The following CD59 variants were observed in gnomAD, a reference collection of about 807,000 sequenced individuals.
The protein encoded by CD59 is CD59 glycoprotein.
In CD59, 3 loss-of-function variants were observed where a neutral mutation model predicts 7.0. The observed-to-expected ratio is 0.43, with a 90% CI of 0.19 to 1.10. CD59 has a LOEUF of 1.10. CD59 is among the 50% of genes least tolerant of loss of function. The pLI, the probability that CD59 is intolerant of heterozygous loss-of-function variation, is 0.29. For missense variants in CD59, 143 were observed against 151.0 expected (o/e 0.95, Z 0.28); for synonymous variants, 60 against 62.0 (o/e 0.97, Z 0.15).
chr11:33,709,137 T>C lies in CD59; in HGVS notation c.*989A>G, dbSNP rs985724516. ...TAAGAGCCGTTACAAAGGTATTTTATACAATCTATGCTGAGTCAGCTAGGA... is the reference window on the plus strand; with the variant it reads ...TAAGAGCCGTTACAAAGGTATTTTACACAATCTATGCTGAGTCAGCTAGGA... On this transcript the variant is annotated 3_prime_UTR_variant, in exon 4 of 4. Transcript: ENST00000642928. 1.3e-5 allele frequency: 2 copies of C among 152,246 alleles called. No homozygotes were observed. The highest frequency in any genetic ancestry group is 4.1e-4 in the South Asian group (2 of 4,836). 9.4% of individuals were successfully genotyped at this position (152,246 alleles called of 1,614,324 possible). A position where few individuals can be genotyped will look rare whatever the true frequency, so the allele number is the denominator to read the frequency against.
At chr11:33,729,296 C>A (rs1854345937) in intron 1 of CD59, among the ~76,000 whole-genome samples, 1 of 152,134 alleles carries the variant, frequency 6.6e-6, no homozygotes, top group South Asian at 2.1e-4. Flanking sequence ...GAAAATGTGG[C>A]ACATATACAC....
chr11:33,731,169 C>G (rs1854405499), intron 1 of CD59, among the ~76,000 whole-genome samples: 1 of 152,078 alleles, frequency 6.6e-6, no homozygotes, highest in Non-Finnish European at 1.5e-5. Flanking sequence ...AAAAGTTAAA[C>G]TTGAATCTTC....
Position 33,735,038 on chromosome 11 carries a change from A to G in CD59, c.-19+1344T>C, listed in dbSNP as rs145311109. Among the ~76,000 whole-genome samples the G allele has an allele frequency of 3.5e-4, 54 of 152,338 alleles. No homozygotes were observed. In the East Asian group the frequency reaches 9.3e-3, roughly 26 times the overall value. On this transcript the variant is annotated intron_variant, in intron 1 of 3. Transcript: ENST00000642928. ...CCACTGTGAAAATACAGAGGCCACA[A>G]GTTTTAGGACTGTTTGGCTTGTAGG...
chr11:33,721,776 G>T (rs570736495), intron 2 of CD59, among the ~76,000 whole-genome samples: 7 of 152,206 alleles, frequency 4.6e-5, no homozygotes, highest in Non-Finnish European at 2.9e-5. Context: ...TACCACTTCT[G>T]TGTGTTATTT....
chr11:33,718,890 AGG>A, intron 2 of CD59: 1 of 152,376 alleles, frequency 6.6e-6, no homozygotes, highest in Non-Finnish European at 1.5e-5. Flanking sequence ...AAGAGTTGGA[AGG>A]AAATCTTCCT....
At position 33,703,302 on chromosome 11, in the gene CD59, G is replaced by A. The variant is rs1029635562; in HGVS notation, c.*6824C>T. ...CTGTCAGGAGGCAAAGTCCCTATGA[G>A]GTAATAATAAACCCACGAGGTTAAG... On this transcript the variant is annotated 3_prime_UTR_variant, in exon 4 of 4. Transcript: ENST00000642928. 1 of 152,180 alleles carries A rather than the reference G, an allele frequency of 6.6e-6. No individual in the cohort carries two copies. The highest frequency in any genetic ancestry group is 2.4e-5 in the African/African-American group (1 of 41,428). 9.4% of individuals were successfully genotyped at this position (152,180 alleles called of 1,614,324 possible). A position where few individuals can be genotyped will look rare whatever the true frequency, so the allele number is the denominator to read the frequency against.
intron 1 of CD59, among the ~76,000 whole-genome samples, chr11:33,730,384 C>T (rs1034842084): frequency 6.6e-6 from 1 of 152,096 alleles, no homozygotes; most frequent in Non-Finnish European, 1.5e-5. Context: ...ACTGCACTCC[C>T]ACCTGGGCGA....
rs56892277 is a variant in CD59, at chr11:33,706,551, TAAAAAAAA to T, written c.*3567_*3574del. 1 of 125,098 alleles carries T rather than the reference TAAAAAAAA, an allele frequency of 8.0e-6. No homozygotes were observed. The highest frequency in any genetic ancestry group is 2.9e-5 in the African/African-American group (1 of 34,940). The allele number at this position is 125,098 out of a possible 1,614,324, so 7.7% of individuals were successfully genotyped here. A position where few individuals can be genotyped will look rare whatever the true frequency, so the allele number is the denominator to read the frequency against. ...AGAAAGTGAAAGTTCAGAAAGGGTT[TAAAAAAAA>T]AAAAAAAAAAAAACTTGTCCAGAGA... On this transcript the variant is annotated 3_prime_UTR_variant, in exon 4 of 4. Coordinates refer to ENST00000642928, the MANE Select transcript of CD59 (RefSeq NM_000611.6).
rs1564968787 is a variant in CD59 at position 33,710,151 on chromosome 11, GCCAGAAATGGAGTCA to G, written c.347_361del (p.Val116_Leu120del). The G allele has an allele frequency of 1.9e-6, 3 of 1,613,582 alleles. No individual in the cohort carries two copies. The South Asian group carries it at 3.3e-5, about 18-fold the overall frequency. On this transcript the variant is annotated inframe_deletion, in exon 4 of 4. Transcript: ENST00000642928. Reference sequence around the variant, plus strand: ...TTAGGGATGAAGGCTCCAGGCTGCTGCCAGAAATGGAGTCACCAGCAGAAGAACTGTTTTCTCTGA... The same window carrying G: ...TTAGGGATGAAGGCTCCAGGCTGCTGCCAGCAGAAGAACTGTTTTCTCTGA...
chr11:33,728,199 G>A (rs574739852), intron 1 of CD59, among the ~76,000 whole-genome samples: 9 of 152,240 alleles, frequency 5.9e-5, no homozygotes, highest in Non-Finnish European at 8.8e-5. Flanking sequence ...CCAAAAAAGA[G>A]CCCACATAGC....
rs1296757211 is a variant in CD59 at position 33,709,804 on chromosome 11, A to C, written c.*322T>G. On this transcript the variant is annotated 3_prime_UTR_variant, in exon 4 of 4. Coordinates refer to ENST00000642928, the MANE Select transcript of CD59 (RefSeq NM_000611.6). ...CTACATCCAAGGAGCCAGAGGAAAAATAATCTGAGGGCTGCAGAGAACCCA... is the reference window on the plus strand; with the variant it reads ...CTACATCCAAGGAGCCAGAGGAAAACTAATCTGAGGGCTGCAGAGAACCCA... The C allele has an allele frequency of 8.6e-6, 4 of 466,312 alleles. No homozygotes were observed. The highest frequency in any genetic ancestry group is 1.6e-5 in the Non-Finnish European group (4 of 254,746). 28.9% of individuals were successfully genotyped at this position (466,312 alleles called of 1,614,324 possible).
intron 1 of CD59, among the ~76,000 whole-genome samples, chr11:33,727,102 G>C (rs552242562): frequency 1.3e-5 from 2 of 152,280 alleles, no homozygotes; most frequent in African/African-American, 4.8e-5. Context: ...GGTACAAAGA[G>C]GAGCTGGTAC....
chr11:33,708,936 T>C lies in CD59; in HGVS notation c.*1190A>G, dbSNP rs1853428182. On this transcript the variant is annotated 3_prime_UTR_variant, in exon 4 of 4. Transcript: ENST00000642928. ...CAAGAAATTCCTCCATCTGCAAAAG[T>C]CAGCCTATGCCATTAAATACAGCCA... 1 of 152,218 alleles carries C rather than the reference T, an allele frequency of 6.6e-6. No individual in the cohort carries two copies. The highest frequency in any genetic ancestry group is 1.5e-5 in the Non-Finnish European group (1 of 68,042). The allele number at this position is 152,218 out of a possible 1,614,324, so 9.4% of individuals were successfully genotyped here.
intron 1 of CD59, chr11:33,731,557 T>C (rs1854418521): frequency 6.6e-6 from 1 of 152,160 alleles, no homozygotes; most frequent in South Asian, 2.1e-4. Context: ...AGTAGATGAT[T>C]AGACTCCAGC....
chr11:33,705,707 T>G lies in CD59; in HGVS notation c.*4419A>C, dbSNP rs923932483. ...GACGGCCTATTGTGCGACTTCGCCT[T>G]CTAACTGTGGGAGCCAGTTCTCCCT... On this transcript the variant is annotated 3_prime_UTR_variant, in exon 4 of 4. Coordinates refer to ENST00000642928, the MANE Select transcript of CD59 (RefSeq NM_000611.6). 6.6e-6 allele frequency: 1 copy of G among 152,256 alleles called. No individual in the cohort carries two copies. The highest frequency in any genetic ancestry group is 6.5e-5 in the Admixed American group (1 of 15,280). The allele number at this position is 152,256 out of a possible 1,614,324, so 9.4% of individuals were successfully genotyped here. A position where few individuals can be genotyped will look rare whatever the true frequency, so the allele number is the denominator to read the frequency against.
At position 33,706,901 on chromosome 11, in the gene CD59, AT is replaced by A. The variant is rs1297263614; in HGVS notation, c.*3224del. The A allele has an allele frequency of 1.3e-5, 2 of 152,232 alleles. No homozygotes were observed. The highest frequency in any genetic ancestry group is 3.8e-4 in the East Asian group (2 of 5,202). The allele number at this position is 152,232 out of a possible 1,614,324, so 9.4% of individuals were successfully genotyped here. ...CTAGACTTTCCAAAGCTAGGCACATATTAAAGAGAGTATACAAAATAGGCAG... is the reference window on the plus strand; with the variant it reads ...CTAGACTTTCCAAAGCTAGGCACATATAAAGAGAGTATACAAAATAGGCAG... On this transcript the variant is annotated 3_prime_UTR_variant, in exon 4 of 4. Transcript: ENST00000642928.
In CD59 at chr11:33,708,180, T is replaced by C. The variant is rs1455510200; in HGVS notation, c.*1946A>G. ...GGGTCCAGGCACTCAACCTTGTCTA[T>C]GGCATGAGTCACAGCAACTTTTTGC... On this transcript the variant is annotated 3_prime_UTR_variant, in exon 4 of 4. Coordinates refer to ENST00000642928, the MANE Select transcript of CD59 (RefSeq NM_000611.6). 1 of 152,228 alleles carries C rather than the reference T, an allele frequency of 6.6e-6. No individual in the cohort carries two copies. Among genetic ancestry groups the C allele is most frequent in the African/African-American group, 2.4e-5 (1 of 41,444 alleles). The allele number at this position is 152,228 out of a possible 1,614,324, so 9.4% of individuals were successfully genotyped here. A position where few individuals can be genotyped will look rare whatever the true frequency, so the allele number is the denominator to read the frequency against.
chr11:33,716,127 T>C (rs184969461), intron 3 of CD59, among the ~76,000 whole-genome samples: 56 of 152,298 alleles, frequency 3.7e-4, no homozygotes, highest in African/African-American at 1.1e-3. Flanking sequence ...ACTGGTGCCC[T>C]ACAGAATCAA....
At chr11:33,711,173 T>C (rs2133526395) in intron 3 of CD59, among the ~76,000 whole-genome samples, 1 of 151,902 alleles carries the variant, frequency 6.6e-6, no homozygotes, top group East Asian at 1.9e-4. Context: ...TGTTTGCAAA[T>C]CACATGTAAA....
Sources: allele counts gnomAD v4.1 joint callset (sites outside exome capture counted in the v4.1 genomes callset), GRCh38; gene constraint gnomAD v4.1.1; transcripts MANE v1.5; gene names NCBI Gene and HGNC (gene_info 2026-07-23, HGNC 2026-07-21).